The following IL10 variants were observed in gnomAD, a reference collection of about 807,000 sequenced individuals.
The protein encoded by IL10 is interleukin 10.
A neutral mutation model predicts 21.0 loss-of-function variants in IL10; 7 were observed. The ratio of observed to expected loss-of-function variants is 0.33; its 90% confidence interval spans 0.19 to 0.63. IL10 has a LOEUF of 0.63. Among genes scored for constraint, IL10 ranks in the 20% least tolerant of loss-of-function variants. IL10 has a pLI of 0.77. For synonymous variants in IL10, 83 were observed against 79.7 expected (o/e 1.04, Z -0.22); for missense variants, 161 against 213.0 (o/e 0.76, Z 1.52).
intron 4 of IL10, among the ~76,000 whole-genome samples, chr1:206,769,448 C>T (rs1311117223): frequency 6.6e-6 from 1 of 152,240 alleles, no homozygotes; most frequent in Non-Finnish European, 1.5e-5. Context: ...TTTGTATGTG[C>T]ACATTTATGT....
At chr1:206,769,969 G>A (rs997528888) in intron 3 of IL10, 75 bp from the exon 4 acceptor site, 3 of 1,244,590 alleles carry the variant, frequency 2.4e-6, no homozygotes, top group East Asian at 4.7e-5. Context: ...GGACAAGCTG[G>A]TGGCATCATG....
chr1:206,772,194 G>T, intron 1 of IL10, 77 bp downstream of exon 1: 1 of 1,314,154 alleles, frequency 7.6e-7, no homozygotes, highest in Non-Finnish European at 1.1e-6. Context: ...CAGGAGGAGG[G>T]TTCTTATAGT....
At chr1:206,770,369 G>A (rs959832698) in intron 3 of IL10, 7 of 270,950 alleles carry the variant, frequency 2.6e-5, no homozygotes, top group Non-Finnish European at 5.1e-5. Flanking sequence ...TAGTAGTGAG[G>A]GCATCATTTC....
At chr1:206,769,763 C>CTTTGGGG in intron 4 of IL10, 66 bp downstream of exon 4, 3 of 1,254,690 alleles carry the variant, frequency 2.4e-6, no homozygotes, top group East Asian at 4.6e-5. Context: ...ACCTTCCATG[C>CTTTGGGG]TTTGGGGTTG....
rs184501501 is a variant in IL10, at chr1:206,768,263, G to A, written c.*373C>T. On this transcript the variant is annotated 3_prime_UTR_variant, in exon 5 of 5. Transcript: ENST00000423557. The stretch of plus-strand genomic sequence containing the variant: ...GAAAACAGCTCAACAGCTAGAAAGC[G>A]TGGTCAGGCTTGGAATGGAAGCTTC... 57 of 285,846 alleles carry A rather than the reference G, an allele frequency of 2.0e-4. No individual in the cohort carries two copies. Among genetic ancestry groups the A allele is most frequent in the Middle Eastern group, 1.1e-3 (1 of 906 alleles). 17.7% of individuals were successfully genotyped at this position (285,846 alleles called of 1,614,324 possible). A position where few individuals can be genotyped will look rare whatever the true frequency, so the allele number is the denominator to read the frequency against.
Position 206,771,038 on chromosome 1 carries a change from A to G in IL10, c.247T>C (p.Leu83=). 1 of 1,614,162 alleles carries G rather than the reference A, an allele frequency of 6.2e-7. No individual in the cohort carries two copies. The highest frequency in any genetic ancestry group is 1.1e-5 in the South Asian group (1 of 91,074). The stretch of plus-strand genomic sequence containing the variant: ...AGGTAAAACTGGATCATCTCAGACA[A>G]GGCTTGGCAACCCAGGTAACCCTAA... The part of the protein sequence containing the change: ...DFKGYLGCQA[L]SEMIQFYLEE... The change falls in exon 3 of 5, where the codon TTG becomes CTG. Residue 83 remains leucine, a synonymous_variant. Transcript: ENST00000423557.
chr1:206,769,037 A>G (rs944790595), intron 4 of IL10, among the ~76,000 whole-genome samples: 1 of 152,204 alleles, frequency 6.6e-6, no homozygotes, highest in Admixed American at 6.5e-5. Context: ...TTTGATGAAA[A>G]GACATTAGAG....
At chr1:206,771,484 G>A (rs1276239280) in intron 1 of IL10, 69 bp from the exon 2 acceptor site, 8 of 1,277,572 alleles carry the variant, frequency 6.3e-6, no homozygotes, top group Non-Finnish European at 8.9e-6. Context: ...TCTTTTTGAT[G>A]CCCTTTCATT....
Position 206,772,388 on chromosome 1 carries a change from C to T in IL10, c.48G>A (p.Val16=), listed in dbSNP as rs780213087. 1.2e-5 allele frequency: 20 copies of T among 1,613,994 alleles called. No homozygotes were observed. The highest frequency in any genetic ancestry group is 1.5e-5 in the Non-Finnish European group (18 of 1,179,964). ...GGGTGCCCTGGCCTGGGCTGGCCCT[C>T]ACCCCAGTCAGGAGGACCAGGCAAC... ...LLCCLVLLTG[V]RASPGQGTQS... Residue 16 remains valine (V), a synonymous_variant, in exon 1 of 5, where the codon GTG becomes GTA. Coordinates refer to ENST00000423557, the MANE Select transcript of IL10 (RefSeq NM_000572.3).
rs1674832037 is a variant in IL10, at chr1:206,771,328, TC to T, written c.225+27del. ...CCCTTCCCTTAATCATGCTGCACAC[TC>T]CCCCAGCACCCCGCCCCTGCTCTCA... On this transcript the variant is annotated intron_variant, in intron 2 of 4. Transcript: ENST00000423557. The T allele has an allele frequency of 3.1e-6, 5 of 1,596,220 alleles. No individual in the cohort carries two copies. In the Admixed American group the frequency reaches 5.0e-5, roughly 16 times the overall value.
At chr1:206,769,702 C>T in intron 4 of IL10, 127 bp downstream of exon 4, 4 of 773,848 alleles carry the variant, frequency 5.2e-6, no homozygotes, top group South Asian at 2.8e-5. Flanking sequence ...TACCATCTGT[C>T]AGGTTCCCAC....
intron 1 of IL10, 64 bp from the exon 2 acceptor site, chr1:206,771,479 T>C: frequency 2.3e-6 from 3 of 1,310,834 alleles, no homozygotes; most frequent in Non-Finnish European, 3.2e-6. Flanking sequence ...TGCGGTCTTT[T>C]TGATGCCCTT....
intron 1 of IL10, 105 bp from the exon 2 acceptor site, chr1:206,771,520 T>G: frequency 1.1e-6 from 1 of 942,852 alleles, no homozygotes. Context: ...TTAAATAAAA[T>G]TGGCTCTGGC....
intron 1 of IL10, among the ~76,000 whole-genome samples, chr1:206,771,723 C>T (rs1183363476): frequency 6.6e-6 from 1 of 152,226 alleles, no homozygotes; most frequent in African/African-American, 2.4e-5. Context: ...ACACCTATGT[C>T]AACCCTTCGG....
Position 206,770,177 on chromosome 1 carries a change from A to ATCCTT in IL10, c.379-284_379-283insAAGGA, listed in dbSNP as rs879517238. Reference sequence around the variant, plus strand: ...TATCTCCTGCAGTGCTGAGCGAGGCATTCTTCAGCCTGTCCTTTTCTGCCT... The same window carrying ATCCTT: ...TATCTCCTGCAGTGCTGAGCGAGGCATCCTTTTCTTCAGCCTGTCCTTTTCTGCCT... On this transcript the variant is annotated intron_variant, in intron 3 of 4. Coordinates refer to ENST00000423557, the MANE Select transcript of IL10 (RefSeq NM_000572.3). Among the ~76,000 whole-genome samples the ATCCTT allele has an allele frequency of 8.9e-3, 1,361 of 152,288 alleles. 8 individuals carry two copies. Among genetic ancestry groups the ATCCTT allele is most frequent in the Non-Finnish European group, 0.013 (915 of 68,022 alleles).
At chr1:206,771,944 G>C (rs993047400) in intron 1 of IL10, among the ~76,000 whole-genome samples, 2 of 152,134 alleles carry the variant, frequency 1.3e-5, no homozygotes, top group African/African-American at 4.8e-5. Context: ...GGCATGGGGA[G>C]CATCTTCACC....
In IL10 at chr1:206,772,222, T is replaced by C. The variant is rs1214332499; in HGVS notation, c.165+49A>G. On this transcript the variant is annotated intron_variant, in intron 1 of 4. Transcript: ENST00000423557. Reference sequence around the variant, plus strand: ...CTTATAGTTCCAGGAGAATGTCTAGTTCAGGCAGTCCCAGGAAGAGAGAAA... The same window carrying C: ...CTTATAGTTCCAGGAGAATGTCTAGCTCAGGCAGTCCCAGGAAGAGAGAAA... 7 of 1,547,002 alleles carry C rather than the reference T, an allele frequency of 4.5e-6. No homozygotes were observed. The South Asian group carries it at 7.8e-5, about 17-fold the overall frequency.
Position 206,769,819 on chromosome 1 carries a change from C to A in IL10, c.444+10G>T. On this transcript the variant is annotated intron_variant, in intron 4 of 4. Coordinates refer to ENST00000423557, the MANE Select transcript of IL10 (RefSeq NM_000572.3). ...CTCTGCAGACCCTCTCTGCCACCAT[C>A]CAAGCTCACCTTATTAAAGGCATTC... is the stretch of plus-strand genomic sequence containing the variant. The A allele has an allele frequency of 6.2e-7, 1 of 1,611,430 alleles. No individual in the cohort carries two copies. Among genetic ancestry groups the A allele is most frequent in the East Asian group, 2.2e-5 (1 of 44,874 alleles).
chr1:206,768,450 C>T lies in IL10; in HGVS notation c.*186G>A, dbSNP rs573600925. The T allele has an allele frequency of 3.3e-5, 19 of 581,476 alleles. No homozygotes were observed. Among genetic ancestry groups the T allele is most frequent in the South Asian group, 1.7e-4 (8 of 46,516 alleles). The allele number at this position is 581,476 out of a possible 1,614,324, so 36.0% of individuals were successfully genotyped here. On this transcript the variant is annotated 3_prime_UTR_variant, in exon 5 of 5. Transcript: ENST00000423557. Reference sequence around the variant, plus strand: ...TATAATATTGGGCTTCTTTCTAAATCGTTCACAGAGAAGCTCAGTAAATAA... The same window carrying T: ...TATAATATTGGGCTTCTTTCTAAATTGTTCACAGAGAAGCTCAGTAAATAA...
Sources: allele counts gnomAD v4.1 joint callset (sites outside exome capture counted in the v4.1 genomes callset), GRCh38; gene constraint gnomAD v4.1.1; transcripts MANE v1.5; gene names NCBI Gene and HGNC (gene_info 2026-07-23, HGNC 2026-07-21).